The following LAMA1 variants were observed in gnomAD, a reference collection of about 807,000 sequenced individuals.
The protein encoded by LAMA1 is laminin subunit alpha 1.
A neutral mutation model predicts 348.7 loss-of-function variants in LAMA1; 219 were observed. The observed-to-expected ratio is 0.63, with a 90% CI of 0.56 to 0.70. The LOEUF (loss-of-function observed/expected upper bound fraction) is 0.70, where lower values mean the gene tolerates loss of function less well. Ranked by LOEUF, LAMA1 falls within the 30% of genes least tolerant of loss-of-function variation. The probability of loss-of-function intolerance (pLI) is 0.00; values close to 1 mark genes in which losing one functional copy is unlikely to be tolerated. For missense variants in LAMA1, 3,744 were observed against 3,888.0 expected (o/e 0.96, Z 0.99); for synonymous variants, 1,487 against 1,491.0 (o/e 1.00, Z 0.06).
chr18:7,111,122 G>A (rs188455129), intron 1 of LAMA1, among the ~76,000 whole-genome samples: 1 of 152,142 alleles, frequency 6.6e-6, no homozygotes, highest in East Asian at 1.9e-4. Flanking sequence ...AGGTTCTCTG[G>A]CACAAGAATG....
At chr18:6,949,770 C>T (rs2143972635) in intron 58 of LAMA1, among the ~76,000 whole-genome samples, 1 of 152,284 alleles carries the variant, frequency 6.6e-6, no homozygotes, top group Non-Finnish European at 1.5e-5. Flanking sequence ...AAACTAACTC[C>T]CTCCTTGCTC....
chr18:7,026,998 AAG>A lies in LAMA1; in HGVS notation c.2275-894_2275-893del, dbSNP rs1237306777. 3.6e-3 allele frequency among the ~76,000 whole-genome samples: 540 copies of A among 151,956 alleles called. 1 individual carries two copies. Among genetic ancestry groups the A allele is most frequent in the Middle Eastern group, 0.017 (5 of 292 alleles). ...GACTCCGTCTCAAAAAAAAAAAAAAAAGATTATATTATTCAAAATGCCAATAG... is the reference window on the plus strand; with the variant it reads ...GACTCCGTCTCAAAAAAAAAAAAAAAATTATATTATTCAAAATGCCAATAG... On this transcript the variant is annotated intron_variant, in intron 16 of 62. Coordinates refer to ENST00000389658, the MANE Select transcript of LAMA1 (RefSeq NM_005559.4).
At chr18:7,106,400 G>A (rs551153617) in intron 1 of LAMA1, among the ~76,000 whole-genome samples, 23 of 148,384 alleles carry the variant, frequency 1.6e-4, no homozygotes, top group East Asian at 2.0e-4. Context: ...TCACTCTGTC[G>A]CCAGGCTGGA....
rs2057859276 is a variant in LAMA1, at chr18:7,011,356, G to A, written c.3631C>T (p.His1211Tyr). ...FLLDAATVRQ[H>Y]IRAEPFYWRL... ...CAGTAAAACGGCTCTGCACGGATGT[G>A]CTGCCGGACGGTGGCGGCATCCAGC... The change falls in exon 25 of 63, where the codon CAC becomes TAC. Residue 1211 changes from histidine (H) to tyrosine (Y), a missense_variant. By Grantham distance (83) the His-to-Tyr change is moderately conservative (BLOSUM62 2). Transcript: ENST00000389658. 1 of 1,612,384 alleles carries A rather than the reference G, an allele frequency of 6.2e-7. No individual in the cohort carries two copies. The highest frequency in any genetic ancestry group is 1.3e-5 in the African/African-American group (1 of 75,042).
intron 1 of LAMA1, among the ~76,000 whole-genome samples, chr18:7,087,814 G>T (rs2058223629): frequency 6.6e-6 from 1 of 152,124 alleles, no homozygotes; most frequent in Non-Finnish European, 1.5e-5. Flanking sequence ...TTACCTCCCA[G>T]TCTCTCTATA....
intron 1 of LAMA1, among the ~76,000 whole-genome samples, chr18:7,104,309 T>C (rs1353175747): frequency 3.9e-5 from 6 of 152,196 alleles, no homozygotes; most frequent in Non-Finnish European, 8.8e-5. Context: ...CCATTGCTTG[T>C]CTGTATTGGG....
intron 4 of LAMA1, 125 bp downstream of exon 4, chr18:7,050,569 G>T (rs1274945258): frequency 1.5e-6 from 2 of 1,362,906 alleles, no homozygotes; most frequent in East Asian, 4.7e-5. Context: ...ATGACTCAAG[G>T]CCACTTTAAA....
chr18:7,055,338 A>G (rs1372773240), intron 3 of LAMA1, among the ~76,000 whole-genome samples: 1 of 151,572 alleles, frequency 6.6e-6, no homozygotes, highest in African/African-American at 2.4e-5. Context: ...CTGTAATCCC[A>G]GCTAATTGGG....
intron 14 of LAMA1, 41 bp downstream of exon 14, chr18:7,034,438 G>A (rs1054625763): frequency 7.1e-6 from 10 of 1,417,550 alleles, no homozygotes; most frequent in Non-Finnish European, 9.0e-6. Context: ...TAAAATGGAA[G>A]TACCTTCACC....
chr18:7,105,541 C>T (rs2058308778), intron 1 of LAMA1, among the ~76,000 whole-genome samples: 1 of 151,988 alleles, frequency 6.6e-6, no homozygotes, highest in East Asian at 1.9e-4. Context: ...ACCCTGGAGT[C>T]GCCAGACATG....
intron 1 of LAMA1, among the ~76,000 whole-genome samples, chr18:7,091,054 C>T (rs1395429830): frequency 3.9e-5 from 6 of 152,220 alleles, no homozygotes; most frequent in South Asian, 2.1e-4. Flanking sequence ...TCCACTTACT[C>T]CTCTCACAAT....
chr18:7,080,575 G>A, intron 1 of LAMA1, 118 bp from the exon 2 acceptor site: 2 of 1,065,582 alleles, frequency 1.9e-6, no homozygotes, highest in Non-Finnish European at 2.8e-6. Flanking sequence ...CTGAATGAAG[G>A]AATCCTTACA....
At chr18:7,085,417 T>C (rs1381064358) in intron 1 of LAMA1, among the ~76,000 whole-genome samples, 14 of 138,492 alleles carry the variant, frequency 1.0e-4, no homozygotes, top group African/African-American at 2.7e-4. Context: ...CTTCTTCTTT[T>C]TTTTTTTTTT....
At position 7,049,256 on chromosome 18, in the gene LAMA1, A is replaced by T; in HGVS notation, c.590T>A (p.Ile197Asn). The T allele has an allele frequency of 6.2e-7, 1 of 1,613,600 alleles. No individual in the cohort carries two copies. The highest frequency in any genetic ancestry group is 8.5e-7 in the Non-Finnish European group (1 of 1,179,524). ...TCTGCCATTGATGAGTGATGTATGA[A>T]TCTGAAGATGAAGGCATCAAAATAG... is the stretch of plus-strand genomic sequence containing the variant. Reference protein sequence around the residue: ...SRLVPLEHGEIHTSLINGRPS... With the variant: ...SRLVPLEHGENHTSLINGRPS... The change falls in exon 5 of 63, where the codon ATT becomes AAT. Residue 197 changes from isoleucine to asparagine, a missense_variant and splice_region_variant. Ile to Asn is a moderately radical substitution (Grantham distance 149, BLOSUM62 -3). This residue lies in a region of LAMA1 where 1,529 missense variants were observed against 1,689.4 expected (regional missense o/e 0.91). Coordinates refer to ENST00000389658, the MANE Select transcript of LAMA1 (RefSeq NM_005559.4).
At chr18:7,086,366 A>G (rs1207484781) in intron 1 of LAMA1, among the ~76,000 whole-genome samples, 1 of 152,224 alleles carries the variant, frequency 6.6e-6, no homozygotes, top group Non-Finnish European at 1.5e-5. Flanking sequence ...GAACAGATAC[A>G]ACGTCTTTCA....
intron 58 of LAMA1, among the ~76,000 whole-genome samples, chr18:6,950,155 T>G (rs2057540125): frequency 1.3e-5 from 2 of 151,970 alleles, no homozygotes; most frequent in African/African-American, 4.8e-5. Context: ...AGAAGACAAC[T>G]TCGACCCCCT....
At chr18:6,946,595 T>C (rs2057522689) in intron 61 of LAMA1, among the ~76,000 whole-genome samples, 1 of 152,128 alleles carries the variant, frequency 6.6e-6, no homozygotes, top group African/African-American at 2.4e-5. Flanking sequence ...GGTGCACGCC[T>C]GTAATCCCAG....
rs554394424 is a variant in LAMA1 at position 7,111,665 on chromosome 18, G to T, written c.61+5995C>A. On this transcript the variant is annotated intron_variant, in intron 1 of 62. Transcript: ENST00000389658. ...AGGGTTTTTCCTCCTCGTTAATTTT[G>T]CAATGCCTTGGTTTATTCAATTGTC... 3.3e-5 allele frequency among the ~76,000 whole-genome samples: 5 copies of T among 152,278 alleles called. No individual in the cohort carries two copies. In the East Asian group the frequency reaches 9.6e-4, roughly 29 times the overall value.
intron 1 of LAMA1, among the ~76,000 whole-genome samples, chr18:7,104,234 C>T (rs887046083): frequency 3.3e-5 from 5 of 152,150 alleles, no homozygotes; most frequent in African/African-American, 1.2e-4. Flanking sequence ...ACCTCGGCCT[C>T]CCAAAGCGCT....
Sources: gnomAD v4.1 joint callset for allele counts (sites outside exome capture counted in the v4.1 genomes callset) on GRCh38, gnomAD v4.1.1 for gene constraint, gnomAD v4.1.1 regional missense constraint, MANE v1.5 for transcripts, NCBI Gene and HGNC (gene_info 2026-07-23, HGNC 2026-07-21) for gene names.